HSP90B1: variants seen among roughly 807,000 people sequenced by gnomAD.
HSP90B1 encodes the protein heat shock protein 90 beta family member 1.
A neutral mutation model predicts 100.4 loss-of-function variants in HSP90B1; 27 were observed. That is an observed-to-expected ratio of 0.27 (90% CI 0.20 to 0.37). The LOEUF is 0.37. HSP90B1 is among the 10% of genes least tolerant of loss of function. The probability of loss-of-function intolerance (pLI) is 1.00; values close to 1 mark genes in which losing one functional copy is unlikely to be tolerated. For synonymous variants in HSP90B1, 304 were observed against 330.8 expected, an observed-to-expected ratio of 0.92 and a Z score of 0.88; for missense variants, 678 against 960.5, an observed-to-expected ratio of 0.71 and a Z score of 3.89.
At chr12:103,945,262 T>C (rs548295479) in intron 14 of HSP90B1, among the ~76,000 whole-genome samples, 1 of 152,256 alleles carries the variant, frequency 6.6e-6, no homozygotes, top group South Asian at 2.1e-4. Flanking sequence ...TGTAATGGCA[T>C]TGCACTCTAG....
chr12:103,941,707 G>A lies in HSP90B1; in HGVS notation c.1308+1G>A. The A allele has an allele frequency of 6.2e-7, 1 of 1,613,802 alleles. No homozygotes were observed. Among genetic ancestry groups the A allele is most frequent in the Non-Finnish European group, 8.5e-7 (1 of 1,179,704 alleles). ...ATACCTCAATTTTGTCAAGGGTGTGGTAAGTATCTGAAGTTTGGGAGAAGG... is the reference window on the plus strand; with the variant it reads ...ATACCTCAATTTTGTCAAGGGTGTGATAAGTATCTGAAGTTTGGGAGAAGG... On this transcript the variant is annotated splice_donor_variant, in intron 10 of 17. Coordinates refer to ENST00000299767, the MANE Select transcript of HSP90B1 (RefSeq NM_003299.3). LOFTEE classifies it high-confidence loss of function.
chr12:103,938,320 T>C lies in HSP90B1; in HGVS notation c.856-20T>C, dbSNP rs1023930884. ...ATTGTTAAACAAATGAGTTTAACCA[T>C]AATTCTCTTATTTCAACAGACTGAA... On this transcript the variant is annotated intron_variant, in intron 6 of 17. Coordinates refer to ENST00000299767, the MANE Select transcript of HSP90B1 (RefSeq NM_003299.3). The C allele has an allele frequency of 1.3e-6, 2 of 1,527,716 alleles. No homozygotes were observed. Among genetic ancestry groups the C allele is most frequent in the Admixed American group, 4.3e-5 (2 of 46,188 alleles). The allele number at this position is 1,527,716 out of a possible 1,614,324, so 94.6% of individuals were successfully genotyped here. A position where few individuals can be genotyped will look rare whatever the true frequency, so the allele number is the denominator to read the frequency against.
Position 103,937,804 on chromosome 12 carries a change from A to T in HSP90B1, c.853A>T (p.Lys285Ter). 1 of 1,418,402 alleles carries T rather than the reference A, an allele frequency of 7.1e-7. No homozygotes were observed. Among genetic ancestry groups the T allele is most frequent in the Non-Finnish European group, 9.9e-7 (1 of 1,006,864 alleles). The allele number at this position is 1,418,402 out of a possible 1,614,324, so 87.9% of individuals were successfully genotyped here. Residue 285 changes from lysine (K) to a stop codon, truncating the protein, a stop_gained and splice_region_variant, in exon 6 of 18, where the codon AAG becomes TAG. Transcript: ENST00000299767. LOFTEE classifies it high-confidence loss of function. ...CTTTCCTATTTATGTATGGAGCAGC[A>T]AGGTAAATCTATATTGATTAAAAAC... ...INFPIYVWSSKTETVEEPMEE... is the reference protein window; with the variant it reads ...INFPIYVWSS
chr12:103,934,189 C>T lies in HSP90B1; in HGVS notation c.645C>T (p.His215=). 1 of 1,614,200 alleles carries T rather than the reference C, an allele frequency of 6.2e-7. No individual in the cohort carries two copies. The highest frequency in any genetic ancestry group is 1.1e-5 in the South Asian group (1 of 91,086). The change falls in exon 5 of 18, where the codon CAC becomes CAT. Residue 215 remains histidine (H), a synonymous_variant. Transcript: ENST00000299767. ...ATAAGGTTATTGTCACTTCAAAACA[C>T]AACAACGATACCCAGCACATCTGGG... is the stretch of plus-strand genomic sequence containing the variant. ...VADKVIVTSK[H]NNDTQHIWES... is the part of the protein sequence containing the mutation.
Position 103,946,807 on chromosome 12 carries a change from G to C in HSP90B1, c.2128G>C (p.Val710Leu), listed in dbSNP as rs1870249665. 1.2e-6 allele frequency: 2 copies of C among 1,614,114 alleles called. No homozygotes were observed. The highest frequency in any genetic ancestry group is 1.7e-6 in the Non-Finnish European group (2 of 1,180,016). The change falls in exon 16 of 18, where the codon GTT (valine) becomes CTT (leucine). Residue 710 changes from valine to leucine, a missense_variant. Physicochemically the swap from Val to Leu is conservative, Grantham distance 32. Transcript: ENST00000299767. ...RIKEDEDDKTVLDLAVVLFET... is the reference protein window; with the variant it reads ...RIKEDEDDKTLLDLAVVLFET... The stretch of plus-strand genomic sequence containing the variant: ...TCAGGAAGATGAAGATGATAAAACA[G>C]TTTTGGATCTTGCTGTGGTTTTGTT...
chr12:103,937,935 G>A (rs529772733), intron 6 of HSP90B1, 129 bp downstream of exon 6: 4 of 546,288 alleles, frequency 7.3e-6, no homozygotes, highest in Admixed American at 3.4e-5. Flanking sequence ...GGGAGGCCGA[G>A]ACAGGTGGAT....
intron 2 of HSP90B1, 104 bp from the exon 3 acceptor site, chr12:103,932,172 AC>A (rs1434456395): frequency 1.2e-6 from 1 of 861,880 alleles, no homozygotes; most frequent in Non-Finnish European, 1.8e-6. Flanking sequence ...TTCCATTTTA[AC>A]CCCCAAGACA....
At chr12:103,940,409 T>C (rs1020613657) in intron 8 of HSP90B1, among the ~76,000 whole-genome samples, 1 of 152,150 alleles carries the variant, frequency 6.6e-6, no homozygotes, top group Non-Finnish European at 1.5e-5. Flanking sequence ...TTGATAAAGT[T>C]TGTTTAAAGT....
In HSP90B1 at chr12:103,947,848, T is replaced by C. The variant is rs758595515; in HGVS notation, c.*186T>C. ...AATTTTTTTTAACATTCCTCATGAA[T>C]GTAAATTTGTACTATTTAACTGACT... is the stretch of plus-strand genomic sequence containing the variant. On this transcript the variant is annotated 3_prime_UTR_variant, in exon 18 of 18. Transcript: ENST00000299767. The C allele has an allele frequency of 5.2e-5, 33 of 639,994 alleles. No individual in the cohort carries two copies. The highest frequency in any genetic ancestry group is 6.8e-5 in the Non-Finnish European group (24 of 352,260). The allele number at this position is 639,994 out of a possible 1,614,324, so 39.6% of individuals were successfully genotyped here.
intron 2 of HSP90B1, 145 bp downstream of exon 2, chr12:103,931,768 ACCT>A (rs969955797): frequency 1.4e-6 from 1 of 691,844 alleles, no homozygotes; most frequent in African/African-American, 1.8e-5. Context: ...GTGCATACAT[ACCT>A]CCTAACTTGT....
intron 7 of HSP90B1, 22 bp downstream of exon 7, chr12:103,938,481 G>A: frequency 6.2e-7 from 1 of 1,602,860 alleles, no homozygotes. Flanking sequence ...TTATCTCCCT[G>A]CATAAGATAT....
chr12:103,934,324 A>T, intron 5 of HSP90B1, 37 bp downstream of exon 5: 1 of 1,493,368 alleles, frequency 6.7e-7, no homozygotes, highest in Non-Finnish European at 9.3e-7. Flanking sequence ...ATTAATAGTC[A>T]TGGTGAGGAT....
At chr12:103,945,570 A>G (rs1290868206) in intron 14 of HSP90B1, among the ~76,000 whole-genome samples, 1 of 152,208 alleles carries the variant, frequency 6.6e-6, no homozygotes, top group African/African-American at 2.4e-5. Flanking sequence ...TTATTGGAGC[A>G]CAATCCAGAG....
Position 103,941,703 on chromosome 12 carries a change from T to A in HSP90B1, c.1305T>A (p.Gly435=), listed in dbSNP as rs750796164. The part of the protein sequence containing the change: ...MMPKYLNFVK[G]VVDSDDLPLN... The stretch of plus-strand genomic sequence containing the variant: ...CTAAATACCTCAATTTTGTCAAGGG[T>A]GTGGTAAGTATCTGAAGTTTGGGAG... Residue 435 remains glycine, a synonymous_variant, in exon 10 of 18, where the codon GGT becomes GGA. Coordinates refer to ENST00000299767, the MANE Select transcript of HSP90B1 (RefSeq NM_003299.3). The A allele has an allele frequency of 2.5e-6, 4 of 1,613,560 alleles. No homozygotes were observed. In the East Asian group the frequency reaches 8.9e-5, roughly 36 times the overall value.
In HSP90B1 at chr12:103,932,364, C is replaced by G; in HGVS notation, c.240C>G (p.Ala80=). 6.2e-7 allele frequency: 1 copy of G among 1,612,814 alleles called. No individual in the cohort carries two copies. The highest frequency in any genetic ancestry group is 8.5e-7 in the Non-Finnish European group (1 of 1,179,380). ...REKSEKFAFQ[A]EVNRMMKLII... Reference sequence around the variant, plus strand: ...AGTCGGAAAAGTTTGCCTTCCAAGCCGAAGTTAACAGAATGATGAAACTTA... The same window carrying G: ...AGTCGGAAAAGTTTGCCTTCCAAGCGGAAGTTAACAGAATGATGAAACTTA... Residue 80 remains alanine (A), a synonymous_variant, in exon 3 of 18, where the codon GCC becomes GCG. Transcript: ENST00000299767.
Position 103,943,800 on chromosome 12 carries a change from G to A in HSP90B1, c.1953G>A (p.Gln651=). Residue 651 remains glutamine, a synonymous_variant, in exon 14 of 18, where the codon CAG becomes CAA. Transcript: ENST00000299767. This position sits in a 1 kb window ranked among gnomAD's most constrained non-coding sequence, Gnocchi z 5.3. Reference sequence around the variant, plus strand: ...CTCCGTGTGCTTTGGTGGCCAGCCAGTACGGATGGTCTGGCAACATGGAGA... The same window carrying A: ...CTCCGTGTGCTTTGGTGGCCAGCCAATACGGATGGTCTGGCAACATGGAGA... ...TESPCALVAS[Q]YGWSGNMERI... 4 of 1,614,126 alleles carry A rather than the reference G, an allele frequency of 2.5e-6. No individual in the cohort carries two copies. Among genetic ancestry groups the A allele is most frequent in the South Asian group, 2.2e-5 (2 of 91,088 alleles).
At chr12:103,936,478 CAAAAATA>C (rs1041172733) in intron 5 of HSP90B1, among the ~76,000 whole-genome samples, 13 of 151,842 alleles carry the variant, frequency 8.6e-5, no homozygotes, top group East Asian at 5.8e-4. Context: ...CCCATCTCCA[CAAAAATA>C]AAAAATAAAA....
intron 2 of HSP90B1, chr12:103,931,871 T>A (rs2722188): frequency 4.0e-6 from 2 of 501,826 alleles, no homozygotes; most frequent in Non-Finnish European, 7.4e-6. Flanking sequence ...TTATAGAAGA[T>A]ACTTTCAGTT....
intron 5 of HSP90B1, among the ~76,000 whole-genome samples, chr12:103,936,120 T>A (rs1869907070): frequency 6.6e-6 from 1 of 152,236 alleles, no homozygotes; most frequent in Non-Finnish European, 1.5e-5. Flanking sequence ...TGTAGTCTTA[T>A]CCACTGCCAC....
Sources: allele counts gnomAD v4.1 joint callset (sites outside exome capture counted in the v4.1 genomes callset), GRCh38; gene constraint gnomAD v4.1.1; non-coding constraint Gnocchi (gnomAD v3.1); transcripts MANE v1.5; gene names NCBI Gene and HGNC (gene_info 2026-07-23, HGNC 2026-07-21).